Variants in TMEM117 observed in about 807,000 individuals in gnomAD.
TMEM117 encodes the protein transmembrane protein 117.
Under a neutral mutation model 52.4 loss-of-function variants are expected in TMEM117, and 27 were observed. That is an observed-to-expected ratio of 0.51 (90% CI 0.38 to 0.71). TMEM117 has a LOEUF of 0.71. TMEM117 is among the 30% of genes least tolerant of loss of function. The pLI is 0.00. For synonymous variants in TMEM117, 215 were observed against 206.3 expected (o/e 1.04, Z -0.36); for missense variants, 556 against 630.5 (o/e 0.88, Z 1.26).
At chr12:44,115,797 C>T (rs866562477) in intron 3 of TMEM117, among the ~76,000 whole-genome samples, 11 of 152,218 alleles carry the variant, frequency 7.2e-5, no homozygotes, top group African/African-American at 2.7e-4. Context: ...GGTGTCTCTG[C>T]ACTCAAGAAA....
intron 2 of TMEM117, among the ~76,000 whole-genome samples, chr12:43,926,685 TA>T (rs1303172014): frequency 2.0e-5 from 3 of 152,158 alleles, no homozygotes; most frequent in Non-Finnish European, 4.4e-5. Flanking sequence ...TATTTTTTAG[TA>T]ATAGAATAAC....
chr12:44,090,553 C>T (rs181893227), intron 3 of TMEM117, among the ~76,000 whole-genome samples: 1,526 of 151,970 alleles, frequency 0.01, 10 homozygotes, highest in African/African-American at 0.016. Context: ...TCTACTGCCT[C>T]GGCCTCCCGA....
intron 4 of TMEM117, among the ~76,000 whole-genome samples, chr12:44,179,337 T>A (rs1949158764): frequency 6.6e-6 from 1 of 152,078 alleles, no homozygotes; most frequent in African/African-American, 2.4e-5. Context: ...GAGAAGCCAG[T>A]AGTGTGGCTC....
chr12:44,029,414 T>C (rs1946596855), intron 3 of TMEM117, among the ~76,000 whole-genome samples: 1 of 152,204 alleles, frequency 6.6e-6, no homozygotes, highest in Non-Finnish European at 1.5e-5. Flanking sequence ...GGATTAGGCA[T>C]GTTCAGGATC....
the TMEM117 span, chr12:43,805,540 T>G: frequency 2.2e-6 from 1 of 458,036 alleles, no homozygotes; most frequent in African/African-American, 2.0e-5. Context: ...GCTGCCCAAT[T>G]TCAAACCAGG....
chr12:44,040,855 T>G (rs964072599), intron 3 of TMEM117, among the ~76,000 whole-genome samples: 5 of 152,218 alleles, frequency 3.3e-5, no homozygotes, highest in African/African-American at 1.2e-4. Context: ...CATAGCATGA[T>G]TATTCTCTAT....
chr12:44,242,349 C>G (rs925105659), intron 5 of TMEM117, among the ~76,000 whole-genome samples: 6 of 151,698 alleles, frequency 4.0e-5, no homozygotes, highest in Non-Finnish European at 7.4e-5. Flanking sequence ...TTCATGAGTT[C>G]TTATCATTTA....
At chr12:44,051,401 A>C (rs903213152) in intron 3 of TMEM117, among the ~76,000 whole-genome samples, 1 of 152,212 alleles carries the variant, frequency 6.6e-6, no homozygotes, top group African/African-American at 2.4e-5. Flanking sequence ...TATGCAAGAA[A>C]TGTCAGACTT....
intron 2 of TMEM117, among the ~76,000 whole-genome samples, chr12:43,882,736 C>A (rs1003404838): frequency 2.6e-5 from 4 of 152,096 alleles, no homozygotes; most frequent in Admixed American, 1.3e-4. Flanking sequence ...GGAAAGGAGG[C>A]TTTCTTCCTT....
chr12:44,185,658 G>A (rs1414673084), intron 4 of TMEM117, among the ~76,000 whole-genome samples: 2 of 152,014 alleles, frequency 1.3e-5, no homozygotes, highest in African/African-American at 4.8e-5. Flanking sequence ...TAGTTTTCAT[G>A]ATACAAATAT....
chr12:44,242,804 G>C (rs1339157711), intron 5 of TMEM117, among the ~76,000 whole-genome samples: 1 of 150,616 alleles, frequency 6.6e-6, no homozygotes, highest in Non-Finnish European at 1.5e-5. Context: ...GGGTCAAATG[G>C]TAGTTTCATT....
At chr12:44,125,289 A>G (rs927378775) in intron 3 of TMEM117, among the ~76,000 whole-genome samples, 2 of 151,970 alleles carry the variant, frequency 1.3e-5, no homozygotes, top group African/African-American at 2.4e-5. Context: ...TTGTATTTTT[A>G]GTAGAGACGG....
At chr12:44,381,414 G>A (rs1952018463) in intron 7 of TMEM117, among the ~76,000 whole-genome samples, 1 of 152,136 alleles carries the variant, frequency 6.6e-6, no homozygotes, top group Admixed American at 6.6e-5. Context: ...GAGAGGAATG[G>A]CCTCTCAATT....
intron 3 of TMEM117, among the ~76,000 whole-genome samples, chr12:44,142,718 G>A (rs1948587874): frequency 6.6e-6 from 1 of 152,098 alleles, no homozygotes; most frequent in Non-Finnish European, 1.5e-5. Flanking sequence ...AAAAGAGGGA[G>A]AGAGAAATTT....
intron 2 of TMEM117, among the ~76,000 whole-genome samples, chr12:43,854,682 G>C (rs908065178): frequency 3.3e-5 from 5 of 151,994 alleles, no homozygotes; most frequent in Admixed American, 2.0e-4. Flanking sequence ...CTGTCACCAG[G>C]CTGGAGTGTG....
At chr12:43,824,696 G>C in the TMEM117 span, among the ~76,000 whole-genome samples, 1 of 152,320 alleles carries the variant, frequency 6.6e-6, no homozygotes, top group South Asian at 2.1e-4. Flanking sequence ...AGCACTTTGG[G>C]AGGCCGAGGC....
At chr12:44,121,625 G>T (rs992785822) in intron 3 of TMEM117, among the ~76,000 whole-genome samples, 1 of 151,886 alleles carries the variant, frequency 6.6e-6, no homozygotes, top group Non-Finnish European at 1.5e-5. Flanking sequence ...TTATGTTATC[G>T]GTTTGGCTTC....
At chr12:44,011,560 A>G (rs561316284) in intron 3 of TMEM117, among the ~76,000 whole-genome samples, 2 of 152,120 alleles carry the variant, frequency 1.3e-5, no homozygotes, top group Non-Finnish European at 2.9e-5. Context: ...CTCCCCAGCC[A>G]TGTGGAATTG....
At chr12:44,155,308 A>T (rs1454942868) in intron 4 of TMEM117, among the ~76,000 whole-genome samples, 1 of 152,124 alleles carries the variant, frequency 6.6e-6, no homozygotes, top group Non-Finnish European at 1.5e-5. Flanking sequence ...AGGAGTAAAC[A>T]TTGGACTGTA....
Sources: gnomAD v4.1 joint callset for allele counts (sites outside exome capture counted in the v4.1 genomes callset) on GRCh38, gnomAD v4.1.1 for gene constraint, MANE v1.5 for transcripts, NCBI Gene and HGNC (gene_info 2026-07-23, HGNC 2026-07-21) for gene names.